Variants in EXOC6 observed in about 807,000 individuals in gnomAD.
The protein encoded by EXOC6 is SEC15-like 1.
A neutral mutation model predicts 112.5 loss-of-function variants in EXOC6; 60 were observed. The observed-to-expected ratio is 0.53, with a 90% CI of 0.43 to 0.66. The LOEUF (loss-of-function observed/expected upper bound fraction) is 0.66, where lower values mean the gene tolerates loss of function less well. Ranked by LOEUF, EXOC6 falls within the 30% of genes least tolerant of loss-of-function variation. EXOC6 has a pLI of 0.00. For missense variants in EXOC6, 855 were observed against 957.1 expected, an observed-to-expected ratio of 0.89 and a Z score of 1.41; for synonymous variants, 295 against 308.0, an observed-to-expected ratio of 0.96 and a Z score of 0.44.
chr10:92,865,899 A>G (rs1302418980), intron 1 of EXOC6, among the ~76,000 whole-genome samples: 8 of 152,168 alleles, frequency 5.3e-5, no homozygotes, highest in Non-Finnish European at 8.8e-5. Context: ...CATAAGGAAG[A>G]GAAACTATAT....
At chr10:92,948,576 T>C (rs1026137571) in intron 14 of EXOC6, among the ~76,000 whole-genome samples, 197 bp downstream of exon 14, 25 of 137,670 alleles carry the variant, frequency 1.8e-4, no homozygotes, top group African/African-American at 6.4e-4. Context: ...CTACTACCAC[T>C]ACTACTACTA....
chr10:92,908,057 C>CTTTT (rs10632745), intron 5 of EXOC6, among the ~76,000 whole-genome samples: 9,561 of 100,536 alleles, frequency 0.095, 770 homozygotes, highest in Admixed American at 0.14. Flanking sequence ...AATATAATGT[C>CTTTT]TTTTTTTTTT....
At position 92,928,362 on chromosome 10, in the gene EXOC6, CTA is replaced by C; in HGVS notation, c.914_915del (p.Tyr305LeufsTer21). The C allele has an allele frequency of 1.2e-6, 2 of 1,609,330 alleles. No homozygotes were observed. The highest frequency in any genetic ancestry group is 1.3e-5 in the African/African-American group (1 of 74,892). The stretch of plus-strand genomic sequence containing the variant: ...AGGGTGACGAGGAAACATTTGAAAA[CTA>C]TTATCGAAAACAAAGAAAGAAACAA... Reference protein sequence around the residue: ...VLGDEETFENYYRKQRKKQAR... With the variant: ...VLGDEETFENXYRKQRKKQAR... On this transcript the variant is annotated frameshift_variant, in exon 9 of 22. Transcript: ENST00000260762. LOFTEE classifies it high-confidence loss of function.
intron 1 of EXOC6, among the ~76,000 whole-genome samples, chr10:92,874,548 T>A (rs1335234887): frequency 1.3e-5 from 2 of 152,116 alleles, no homozygotes; most frequent in Non-Finnish European, 2.9e-5. Flanking sequence ...CTTTTTTAAT[T>A]GTAAGAAATG....
At chr10:92,911,902 TC>T (rs1850785734) in intron 6 of EXOC6, among the ~76,000 whole-genome samples, 2 of 9,168 alleles carry the variant, frequency 2.2e-4, no homozygotes, top group Non-Finnish European at 3.1e-4. Context: ...CTTGTGGGTT[TC>T]TCTCTCTCTC....
rs997247999 is a variant in EXOC6, at chr10:92,904,155, A to G, written c.458+4511A>G. Among the ~76,000 whole-genome samples, 11 of 152,038 alleles carry G rather than the reference A, an allele frequency of 7.2e-5. 1 individual carries two copies. Among genetic ancestry groups the G allele is most frequent in the African/African-American group, 2.4e-4 (10 of 41,416 alleles). The stretch of plus-strand genomic sequence containing the variant: ...CTTGATAACTTATTTCTTTTTTATC[A>G]CTGAATAATACTACACTGTATGGAT... On this transcript the variant is annotated intron_variant, in intron 5 of 21. Transcript: ENST00000260762.
At position 92,935,643 on chromosome 10, in the gene EXOC6, T is replaced by G. The variant is rs1852297967; in HGVS notation, c.1141-171T>G. Reference sequence around the variant, plus strand: ...ATTATGATCTCCCTCTAAACGTTTATACTGAATAGAGAAGGTCTGTTGTGA... The same window carrying G: ...ATTATGATCTCCCTCTAAACGTTTAGACTGAATAGAGAAGGTCTGTTGTGA... On this transcript the variant is annotated intron_variant, in intron 11 of 21. Coordinates refer to ENST00000260762, the MANE Select transcript of EXOC6 (RefSeq NM_019053.6). Among the ~76,000 whole-genome samples, 3 of 152,292 alleles carry G rather than the reference T, an allele frequency of 2.0e-5. No homozygotes were observed. The South Asian group carries it at 6.2e-4, about 32-fold the overall frequency.
intron 18 of EXOC6, among the ~76,000 whole-genome samples, chr10:92,978,833 T>C (rs1301366775): frequency 6.6e-6 from 1 of 152,190 alleles, no homozygotes; most frequent in Non-Finnish European, 1.5e-5. Context: ...TCAGTCCTCT[T>C]AAGCAGAACA....
intron 16 of EXOC6, 62 bp downstream of exon 16, chr10:92,954,803 T>C (rs1474637465): frequency 1.6e-5 from 12 of 727,358 alleles, no homozygotes; most frequent in Non-Finnish European, 2.6e-5. Flanking sequence ...TTTTAAATTA[T>C]TGCTGAACGT....
chr10:92,893,177 T>C (rs933701812), intron 1 of EXOC6, among the ~76,000 whole-genome samples, 172 bp from the exon 2 acceptor site: 1 of 152,202 alleles, frequency 6.6e-6, no homozygotes, highest in Admixed American at 6.5e-5. Flanking sequence ...CTTTTAATAT[T>C]ATCATGTTCA....
At chr10:92,881,123 A>G (rs1027461364) in intron 1 of EXOC6, among the ~76,000 whole-genome samples, 3 of 152,138 alleles carry the variant, frequency 2.0e-5, no homozygotes, top group Admixed American at 6.5e-5. Flanking sequence ...GCTCGCCCAC[A>G]TTGCTGGCAG....
chr10:92,838,805 T>C (rs1846742176), intron 1 of EXOC6, among the ~76,000 whole-genome samples: 1 of 152,232 alleles, frequency 6.6e-6, no homozygotes, highest in Admixed American at 6.5e-5. Context: ...CCAGGCACGG[T>C]GGCTCACACC....
At chr10:92,985,970 A>C (rs1842986764) in intron 18 of EXOC6, among the ~76,000 whole-genome samples, 1 of 151,432 alleles carries the variant, frequency 6.6e-6, no homozygotes, top group Non-Finnish European at 1.5e-5. Flanking sequence ...AAATATAACC[A>C]TATATTGTAT....
At chr10:92,847,487 C>G (rs1051165109), upstream of EXOC6, among the ~76,000 whole-genome samples, 18 of 152,156 alleles carry the variant, frequency 1.2e-4, no homozygotes, top group Admixed American at 9.2e-4. Context: ...AGTTACACAG[C>G]TGGATAAAGA....
In EXOC6 at chr10:92,899,883, A is replaced by G. The variant is rs1850062590; in HGVS notation, c.458+239A>G. The stretch of plus-strand genomic sequence containing the variant: ...TTGGTAATGTTGATCAAGTACAAAT[A>G]GCCGAACAGGAATGAAAATATTGAT... On this transcript the variant is annotated intron_variant, in intron 5 of 21. Coordinates refer to ENST00000260762, the MANE Select transcript of EXOC6 (RefSeq NM_019053.6). The G allele has an allele frequency of 2.7e-5, 11 of 400,258 alleles. No individual in the cohort carries two copies. The South Asian group carries it at 4.9e-4, about 18-fold the overall frequency. The allele number at this position is 400,258 out of a possible 1,614,324, so 24.8% of individuals were successfully genotyped here. A position where few individuals can be genotyped will look rare whatever the true frequency, so the allele number is the denominator to read the frequency against.
intron 8 of EXOC6, among the ~76,000 whole-genome samples, chr10:92,927,048 T>TTCGTA (rs1201925324): frequency 3.3e-5 from 5 of 152,340 alleles, no homozygotes; most frequent in African/African-American, 1.2e-4. Context: ...TGGAAAAAGT[T>TTCGTA]TCGTATAGGA....
chr10:93,035,347 T>C (rs75296922), intron 20 of EXOC6, among the ~76,000 whole-genome samples: 2,298 of 152,350 alleles, frequency 0.015, 53 homozygotes, highest in African/African-American at 0.052. Flanking sequence ...AGAGCTGTTT[T>C]GTAGTTTGGA....
At chr10:93,025,452 A>G (rs1590063957) in intron 20 of EXOC6, among the ~76,000 whole-genome samples, 1 of 152,240 alleles carries the variant, frequency 6.6e-6, no homozygotes, top group African/African-American at 2.4e-5. Context: ...TTTAAAGCTT[A>G]GAAGTGTAGC....
chr10:92,942,590 T>C (rs1488565073), intron 13 of EXOC6, among the ~76,000 whole-genome samples: 4 of 152,154 alleles, frequency 2.6e-5, no homozygotes, highest in Non-Finnish European at 5.9e-5. Context: ...ATTAACTATT[T>C]TAAAAATAAA....
Sources: allele counts gnomAD v4.1 joint callset (sites outside exome capture counted in the v4.1 genomes callset), GRCh38; gene constraint gnomAD v4.1.1; transcripts MANE v1.5; gene names NCBI Gene and HGNC (gene_info 2026-07-23, HGNC 2026-07-21).